Variants in PIGG observed in about 807,000 individuals in gnomAD.
PIGG encodes the protein phosphatidylinositol glycan anchor biosynthesis class G (EMM blood group), also known as GPI ethanolamine phosphate transferase 2, catalytic subunit.
In PIGG, 70 loss-of-function variants were observed where a neutral mutation model predicts 83.2. That is an observed-to-expected ratio of 0.84 (90% CI 0.69 to 1.03). PIGG has a LOEUF of 1.03. Ranked by LOEUF, PIGG falls within the 50% of genes least tolerant of loss-of-function variation. The pLI is 0.00. For synonymous variants in PIGG, 532 were observed against 519.5 expected, an observed-to-expected ratio of 1.02 and a Z score of -0.33; for missense variants, 1,257 against 1,233.6, an observed-to-expected ratio of 1.02 and a Z score of -0.28.
chr4:538,827 C>A (rs1316522416), intron 12 of PIGG, among the ~76,000 whole-genome samples: 1 of 152,190 alleles, frequency 6.6e-6, no homozygotes, highest in East Asian at 1.9e-4. Flanking sequence ...TGGGGGGGGA[C>A]ATGGTGGCCC....
intron 6 of PIGG, among the ~76,000 whole-genome samples, chr4:518,485 C>T (rs1224213470): frequency 6.6e-6 from 1 of 152,020 alleles, no homozygotes; most frequent in East Asian, 1.9e-4. Flanking sequence ...CCCAGCTACT[C>T]GGGAGGCTGA....
chr4:500,981 G>A (rs976655466), intron 2 of PIGG: 3 of 388,418 alleles, frequency 7.7e-6, no homozygotes, highest in Non-Finnish European at 1.5e-5. Flanking sequence ...TTTATAGATA[G>A]GAAAGCAAAC....
At chr4:525,266 G>A in intron 9 of PIGG, 2 of 985,272 alleles carry the variant, frequency 2.0e-6, no homozygotes, top group Non-Finnish European at 2.4e-6. Flanking sequence ...TTCAAGCAAG[G>A]CTCGAAATAA....
chr4:531,143 T>C (rs1184215048), intron 11 of PIGG: 3 of 182,374 alleles, frequency 1.6e-5, no homozygotes, highest in Admixed American at 5.7e-5. Flanking sequence ...ATTAGCTCCC[T>C]GAAGCCTGGT....
chr4:527,389 C>G, intron 10 of PIGG, 159 bp downstream of exon 10: 1 of 1,388,786 alleles, frequency 7.2e-7, no homozygotes, highest in Non-Finnish European at 9.3e-7. Flanking sequence ...GTGATTGTGT[C>G]AACAGCTACT....
chr4:517,711 T>C (rs1009112788), intron 6 of PIGG, among the ~76,000 whole-genome samples: 1 of 152,088 alleles, frequency 6.6e-6, no homozygotes, highest in Admixed American at 6.5e-5. Flanking sequence ...CAGCAGACAC[T>C]GCGACTCTAA....
intron 9 of PIGG, 66 bp downstream of exon 9, chr4:523,979 T>C: frequency 2.9e-6 from 3 of 1,051,676 alleles, no homozygotes; most frequent in Non-Finnish European, 4.0e-6. Context: ...TGCCAAGCTC[T>C]TCTTTTTCTA....
At chr4:531,233 G>C (rs1728975906) in intron 11 of PIGG, 1 of 167,468 alleles carries the variant, frequency 6.0e-6, no homozygotes. Context: ...GAGACATAGA[G>C]GGACAGGCAG....
At chr4:512,692 G>A (rs1203262885) in intron 5 of PIGG, among the ~76,000 whole-genome samples, 2 of 151,670 alleles carry the variant, frequency 1.3e-5, no homozygotes, top group African/African-American at 4.8e-5. Context: ...GTGGGCGCCT[G>A]TAATCCCAGC....
chr4:499,628 T>G (rs1369077378), intron 1 of PIGG, 139 bp downstream of exon 1: 1 of 1,420,024 alleles, frequency 7.0e-7, no homozygotes, highest in Non-Finnish European at 9.2e-7. Context: ...TCAGAAATTT[T>G]TTTTAACCGC....
In PIGG at chr4:507,537, A is replaced by C; in HGVS notation, c.703A>C (p.Lys235Gln). 1 of 1,614,224 alleles carries C rather than the reference A, an allele frequency of 6.2e-7. No homozygotes were observed. The highest frequency in any genetic ancestry group is 8.5e-7 in the Non-Finnish European group (1 of 1,180,038). The change falls in exon 4 of 13, where the codon AAG (lysine) becomes CAG (glutamine). Residue 235 changes from lysine (K) to glutamine (Q), a missense_variant. By Grantham distance (53) the Lys-to-Gln change is moderately conservative. Coordinates refer to ENST00000453061, the MANE Select transcript of PIGG (RefSeq NM_001127178.3). ...SGPNSPLIGQ[K>Q]LSEMDSVLMK... ...GCCCAACAGCCCCCTGATTGGGCAG[A>C]AGCTGAGCGAGATGGACAGCGTGCT...
intron 8 of PIGG, chr4:522,159 G>A (rs1267905990): frequency 2.3e-5 from 14 of 611,974 alleles, no homozygotes; most frequent in Middle Eastern, 3.7e-4. Context: ...TGTGCTGTCA[G>A]GTCAGATGCC....
At chr4:529,619 T>TA (rs1728538236) in intron 10 of PIGG, among the ~76,000 whole-genome samples, 1 of 152,260 alleles carries the variant, frequency 6.6e-6, no homozygotes, top group Non-Finnish European at 1.5e-5. Context: ...TTTAGGAACA[T>TA]ACGTGTTTTG....
At position 527,206 on chromosome 4, in the gene PIGG, G is replaced by A. The variant is rs962499498; in HGVS notation, c.2237G>A (p.Arg746Gln). 21 of 1,601,262 alleles carry A rather than the reference G, an allele frequency of 1.3e-5. No individual in the cohort carries two copies. The highest frequency in any genetic ancestry group is 6.7e-5 in the African/African-American group (5 of 74,368). The change falls in exon 10 of 13, where the codon CGG becomes CAG. Residue 746 changes from arginine (R) to glutamine (Q), a missense_variant. Physicochemically the swap from Arg to Gln is conservative, Grantham distance 43 (BLOSUM62 1). Coordinates refer to ENST00000453061, the MANE Select transcript of PIGG (RefSeq NM_001127178.3). ...AAIGSVRFPWRPDSKDISKGI... is the reference protein window; with the variant it reads ...AAIGSVRFPWQPDSKDISKGI... ...ATCGGGAGTGTCCGGTTCCCGTGGC[G>A]GCCGGACAGCAAGGACATTTCCAAG...
intron 1 of PIGG, 174 bp downstream of exon 1, chr4:499,663 T>C: frequency 7.1e-7 from 1 of 1,413,594 alleles, no homozygotes; most frequent in Non-Finnish European, 9.2e-7. Context: ...TCTGTATTCT[T>C]ACAACTTTGT....
intron 11 of PIGG, chr4:531,362 G>GACT (rs879914131): frequency 0.061 from 9,602 of 156,482 alleles, 584 homozygotes; most frequent in Middle Eastern, 0.13. Context: ...CAGGAGAGCA[G>GACT]GCACAGCCCT....
rs115383787 is a variant in PIGG, at chr4:518,776, C to G, written c.1115-2280C>G. Among the ~76,000 whole-genome samples the G allele has an allele frequency of 1.4e-4, 22 of 152,222 alleles. No homozygotes were observed. The South Asian group carries it at 2.1e-3, about 14-fold the overall frequency. ...CACAGCCACAGCGTCTGGAACCCCC[C>G]CTGGCGGCCCATTGTCTACACCGTC... On this transcript the variant is annotated intron_variant, in intron 6 of 12. Transcript: ENST00000453061.
At chr4:506,904 A>T in intron 3 of PIGG, 1 of 402,884 alleles carries the variant, frequency 2.5e-6, no homozygotes, top group Admixed American at 2.5e-5. Context: ...CTTTGCCCTT[A>T]GTTACCTCAT....
rs749514390 is a variant in PIGG at position 523,673 on chromosome 4, G to C, written c.1829G>C (p.Cys610Ser). 2 of 1,614,110 alleles carry C rather than the reference G, an allele frequency of 1.2e-6. No individual in the cohort carries two copies. Among genetic ancestry groups the C allele is most frequent in the South Asian group, 2.2e-5 (2 of 91,096 alleles). The change falls in exon 9 of 13, where the codon TGT becomes TCT. Residue 610 changes from cysteine (C) to serine (S), a missense_variant. Physicochemically the swap from Cys to Ser is moderately radical, Grantham distance 112. Transcript: ENST00000453061. ...GDDGEPPCGL[C>S]VEQGHDGATA... Reference sequence around the variant, plus strand: ...GACGGTGAGCCTCCGTGTGGCCTCTGTGTGGAACAAGGGCATGACGGGGCC... The same window carrying C: ...GACGGTGAGCCTCCGTGTGGCCTCTCTGTGGAACAAGGGCATGACGGGGCC...
Sources: gnomAD v4.1 joint callset for allele counts (sites outside exome capture counted in the v4.1 genomes callset) on GRCh38, gnomAD v4.1.1 for gene constraint, MANE v1.5 for transcripts, NCBI Gene and HGNC (gene_info 2026-07-23, HGNC 2026-07-21) for gene names.